Variants in XAB2 observed in about 807,000 individuals in gnomAD.
XAB2 encodes XPA binding protein 2, also known as pre-mRNA-splicing factor SYF1.
Under a neutral mutation model 113.4 loss-of-function variants are expected in XAB2, and 57 were observed. The ratio of observed to expected loss-of-function variants is 0.50; its 90% confidence interval spans 0.41 to 0.63. XAB2 has a LOEUF of 0.63. XAB2 is among the 20% of genes least tolerant of loss of function. The pLI is 0.00. For synonymous variants in XAB2, 497 were observed against 498.8 expected (o/e 1.00, Z 0.05); for missense variants, 1,037 against 1,233.3 (o/e 0.84, Z 2.38).
chr19:7,623,809 G>C lies in XAB2; in HGVS notation c.1041C>G (p.Ser347Arg). 1 of 1,611,948 alleles carries C rather than the reference G, an allele frequency of 6.2e-7. No homozygotes were observed. The highest frequency in any genetic ancestry group is 8.5e-7 in the Non-Finnish European group (1 of 1,179,594). ...GGTGTGGGTTTTGGCGCAGCAAGAC[G>C]CTGTTGAGGAGCAGGGGCCGCCGGC... ...LISRRPLLLN[S>R]VLLRQNPHHV... is the part of the protein sequence containing the mutation. Residue 347 changes from serine (S) to arginine (R), a missense_variant, in exon 8 of 19, where the codon AGC becomes AGG. Physicochemically the swap from Ser to Arg is moderately radical, Grantham distance 110. Coordinates refer to ENST00000358368, the MANE Select transcript of XAB2 (RefSeq NM_020196.3). This position sits in a 1 kb window ranked among gnomAD's most constrained non-coding sequence, Gnocchi z 4.6.
Position 7,620,627 on chromosome 19 carries a change from C to A in XAB2, c.2014G>T (p.Ala672Ser). The A allele has an allele frequency of 6.2e-7, 1 of 1,613,218 alleles. No homozygotes were observed. Among genetic ancestry groups the A allele is most frequent in the Non-Finnish European group, 8.5e-7 (1 of 1,179,956 alleles). Reference sequence around the variant, plus strand: ...TCCCCGAGCTTGCACTCCATGTCTGCAAACCGCAGGCACATCTCACGCGCG... The same window carrying A: ...TCCCCGAGCTTGCACTCCATGTCTGAAAACCGCAGGCACATCTCACGCGCG... Reference protein sequence around the residue: ...EHAREMCLRFADMECKLGEID... With the variant: ...EHAREMCLRFSDMECKLGEID... Residue 672 changes from alanine (A) to serine (S), a missense_variant, in exon 15 of 19, where the codon GCA (alanine) becomes TCA (serine). Ala to Ser is a moderately conservative substitution (Grantham distance 99). Coordinates refer to ENST00000358368, the MANE Select transcript of XAB2 (RefSeq NM_020196.3).
chr19:7,620,488 AGCTG>A, intron 15 of XAB2, 42 bp from the exon 16 acceptor site: 1 of 1,609,068 alleles, frequency 6.2e-7, no homozygotes, highest in Non-Finnish European at 8.5e-7. Context: ...TGTGCCCGTG[AGCTG>A]GCTGACTCCG....
chr19:7,628,238 A>C lies in XAB2; in HGVS notation c.112T>G (p.Trp38Gly), dbSNP rs749931572. 1.2e-5 allele frequency: 19 copies of C among 1,614,042 alleles called. No homozygotes were observed. The Admixed American group carries it at 2.8e-4, about 24-fold the overall frequency. Reference sequence around the variant, plus strand: ...TGTTTGAACTCGATGTAGCGAAGCCAGCATTTGACAGAGAATTGGTTCCGC... The same window carrying C: ...TGTTTGAACTCGATGTAGCGAAGCCCGCATTTGACAGAGAATTGGTTCCGC... ...IMRNQFSVKCWLRYIEFKQGA... is the reference protein window; with the variant it reads ...IMRNQFSVKCGLRYIEFKQGA... The change falls in exon 2 of 19, where the codon TGG (tryptophan) becomes GGG (glycine). Residue 38 changes from tryptophan to glycine, a missense_variant. Coordinates refer to ENST00000358368, the MANE Select transcript of XAB2 (RefSeq NM_020196.3). This position sits in a 1 kb window ranked among gnomAD's most constrained non-coding sequence, Gnocchi z 4.6.
rs927168782 is a variant in XAB2 at position 7,629,490 on chromosome 19, G to T, written c.38C>A (p.Pro13Gln). ...VMARLSRPER[P>Q]DLVFEEEDLP... ...CTGTGGACTCACGAAGACAAGGTCC[G>T]GCCGCTCGGGCCGCGAGAGTCGCGC... Residue 13 changes from proline to glutamine, a missense_variant, in exon 1 of 19, where the codon CCG becomes CAG. Physicochemically the swap from Pro to Gln is moderately conservative, Grantham distance 76 (BLOSUM62 -1). Coordinates refer to ENST00000358368, the MANE Select transcript of XAB2 (RefSeq NM_020196.3). 6.2e-7 allele frequency: 1 copy of T among 1,602,324 alleles called. No individual in the cohort carries two copies. The highest frequency in any genetic ancestry group is 1.1e-5 in the South Asian group (1 of 89,020).
At position 7,621,319 on chromosome 19, in the gene XAB2, CAT is replaced by C. The variant is rs769036458; in HGVS notation, c.1618-24_1618-23del. 4 of 1,609,482 alleles carry C rather than the reference CAT, an allele frequency of 2.5e-6. No homozygotes were observed. The African/African-American group carries it at 4.0e-5, about 16-fold the overall frequency. ...ACGCCTGTTACCAGAGGGAGAGTCA[CAT>C]GTGAGAGTCTGCAGATAGAGACCAC... is the stretch of plus-strand genomic sequence containing the variant. On this transcript the variant is annotated intron_variant, in intron 12 of 18. Coordinates refer to ENST00000358368, the MANE Select transcript of XAB2 (RefSeq NM_020196.3).
At position 7,625,988 on chromosome 19, in the gene XAB2, G is replaced by A. The variant is rs767291117; in HGVS notation, c.714C>T (p.Leu238=). 2 of 1,613,812 alleles carry A rather than the reference G, an allele frequency of 1.2e-6. No individual in the cohort carries two copies. Among genetic ancestry groups the A allele is most frequent in the Non-Finnish European group, 1.7e-6 (2 of 1,179,872 alleles). Residue 238 remains leucine, a synonymous_variant, in exon 6 of 19, where the codon CTC becomes CTT. Coordinates refer to ENST00000358368, the MANE Select transcript of XAB2 (RefSeq NM_020196.3). This position sits in a 1 kb window ranked among gnomAD's most constrained non-coding sequence, Gnocchi z 5.2. The part of the protein sequence containing the change: ...ISQNPDKVQS[L]NVDAIIRGGL... ...CCCCGCGGATGATGGCGTCCACATT[G>A]AGGGACTGTACCTTGTCCGGATTCT...
rs1400545894 is a variant in XAB2, at chr19:7,620,606, C to T, written c.2035G>A (p.Gly679Arg). ...ATGGCCCGGGCGCGGTCAATCTCCC[C>T]GAGCTTGCACTCCATGTCTGCAAAC... Reference protein sequence around the residue: ...LRFADMECKLGEIDRARAIYS... With the variant: ...LRFADMECKLREIDRARAIYS... The change falls in exon 15 of 19, where the codon GGG (glycine) becomes AGG (arginine). Residue 679 changes from glycine to arginine, a missense_variant. Gly to Arg is a moderately radical substitution (Grantham distance 125). Transcript: ENST00000358368. 3.1e-6 allele frequency: 5 copies of T among 1,613,310 alleles called. No homozygotes were observed. Among genetic ancestry groups the T allele is most frequent in the Non-Finnish European group, 4.2e-6 (5 of 1,179,956 alleles).
In XAB2 at chr19:7,624,841, C is replaced by T. The variant is rs1359002815; in HGVS notation, c.823-396G>A. Among the ~76,000 whole-genome samples, 3 of 152,196 alleles carry T rather than the reference C, an allele frequency of 2.0e-5. No homozygotes were observed. Among genetic ancestry groups the T allele is most frequent in the Admixed American group, 6.5e-5 (1 of 15,284 alleles). On this transcript the variant is annotated intron_variant, in intron 6 of 18. Coordinates refer to ENST00000358368, the MANE Select transcript of XAB2 (RefSeq NM_020196.3). This position sits in a 1 kb window ranked among gnomAD's most constrained non-coding sequence, Gnocchi z 4.2. ...CGAGGCCTCAGAATTTGCTCCAAAG[C>T]GTCCCTCTCGCTTGCCTGACCCTCT...
At chr19:7,620,470 T>G (rs544589268) in intron 15 of XAB2, 24 bp from the exon 16 acceptor site, 1 of 1,607,626 alleles carries the variant, frequency 6.2e-7, no homozygotes, top group African/African-American at 1.3e-5. Context: ...AGGGCAGGGG[T>G]GGGTGTGTGT....
Position 7,621,129 on chromosome 19 carries a change from CCTCA to C in XAB2, c.1780+2_1780+5del. On this transcript the variant is annotated splice_donor_variant and splice_donor_5th_base_variant and intron_variant, in intron 13 of 18. Coordinates refer to ENST00000358368, the MANE Select transcript of XAB2 (RefSeq NM_020196.3). LOFTEE classifies it high-confidence loss of function. Reference sequence around the variant, plus strand: ...CCACCCCCCCCATGCCCTCTGCCCGCCTCACTCTTGGCATATTTTGGGGGGCAGC... The same window carrying C: ...CCACCCCCCCCATGCCCTCTGCCCGCCTCTTGGCATATTTTGGGGGGCAGC... The C allele has an allele frequency of 6.3e-7, 1 of 1,592,350 alleles. No individual in the cohort carries two copies. Among genetic ancestry groups the C allele is most frequent in the South Asian group, 1.1e-5 (1 of 88,816 alleles).
At position 7,623,147 on chromosome 19, in the gene XAB2, G is replaced by C. The variant is rs559763220; in HGVS notation, c.1239+23C>G. The C allele has an allele frequency of 7.7e-5, 124 of 1,611,728 alleles. 1 individual carries two copies. In the South Asian group the frequency reaches 1.0e-3, roughly 14 times the overall value. On this transcript the variant is annotated intron_variant, in intron 9 of 18. Transcript: ENST00000358368. This position sits in a 1 kb window ranked among gnomAD's most constrained non-coding sequence, Gnocchi z 4.6. ...GCACACACACATGCATGAACACACA[G>C]GCACACGCAACAGGGTGCTCACATC...
Position 7,627,494 on chromosome 19 carries a change from C to G in XAB2, c.325-54G>C, listed in dbSNP as rs2031165158. 6.4e-7 allele frequency: 1 copy of G among 1,570,446 alleles called. No homozygotes were observed. The highest frequency in any genetic ancestry group is 1.8e-5 in the Admixed American group (1 of 54,278). On this transcript the variant is annotated intron_variant, in intron 3 of 18. Transcript: ENST00000358368. The surrounding 1 kb of genome is among the most constrained non-coding windows in gnomAD (Gnocchi z 4.5). ...CTAAGCCACGGACTCCATGGCCTGG[C>G]CACAGACACTCGATGTCCTGTGGCT... is the stretch of plus-strand genomic sequence containing the variant.
chr19:7,627,517 G>A lies in XAB2; in HGVS notation c.325-77C>T. 5 of 1,553,312 alleles carry A rather than the reference G, an allele frequency of 3.2e-6. No individual in the cohort carries two copies. Among genetic ancestry groups the A allele is most frequent in the Non-Finnish European group, 3.5e-6 (4 of 1,143,364 alleles). ...GGCCACAGACACTCGATGTCCTGTG[G>A]CTGAGCCACACCTGGGGCCACCACA... is the stretch of plus-strand genomic sequence containing the variant. On this transcript the variant is annotated intron_variant, in intron 3 of 18. Coordinates refer to ENST00000358368, the MANE Select transcript of XAB2 (RefSeq NM_020196.3). This position sits in a 1 kb window ranked among gnomAD's most constrained non-coding sequence, Gnocchi z 4.5.
Position 7,621,125 on chromosome 19 carries a change from C to T in XAB2, c.1780+10G>A. 1 of 1,512,630 alleles carries T rather than the reference C, an allele frequency of 6.6e-7. No individual in the cohort carries two copies. Among genetic ancestry groups the T allele is most frequent in the South Asian group, 1.2e-5 (1 of 86,364 alleles). 93.7% of individuals were successfully genotyped at this position (1,512,630 alleles called of 1,614,324 possible). A position where few individuals can be genotyped will look rare whatever the true frequency, so the allele number is the denominator to read the frequency against. On this transcript the variant is annotated intron_variant, in intron 13 of 18. Coordinates refer to ENST00000358368, the MANE Select transcript of XAB2 (RefSeq NM_020196.3). Reference sequence around the variant, plus strand: ...CCCGCCACCCCCCCCATGCCCTCTGCCCGCCTCACTCTTGGCATATTTTGG... The same window carrying T: ...CCCGCCACCCCCCCCATGCCCTCTGTCCGCCTCACTCTTGGCATATTTTGG...
chr19:7,625,391 G>A lies in XAB2; in HGVS notation c.822+489C>T, dbSNP rs1399597731. Among the ~76,000 whole-genome samples the A allele has an allele frequency of 2.0e-5, 3 of 152,110 alleles. No homozygotes were observed. Among genetic ancestry groups the A allele is most frequent in the Non-Finnish European group, 2.9e-5 (2 of 68,022 alleles). ...AAATGTGGCTGACTCCAAGGCTGAC[G>A]TGCCTGCGGGCAGGAGTGCTCCCCC... On this transcript the variant is annotated intron_variant, in intron 6 of 18. Transcript: ENST00000358368. The surrounding 1 kb of genome is among the most constrained non-coding windows in gnomAD (Gnocchi z 5.2).
In XAB2 at chr19:7,625,012, G is replaced by A. The variant is rs1210610964; in HGVS notation, c.823-567C>T. 1.3e-5 allele frequency among the ~76,000 whole-genome samples: 2 copies of A among 152,196 alleles called. No individual in the cohort carries two copies. Among genetic ancestry groups the A allele is most frequent in the African/African-American group, 2.4e-5 (1 of 41,450 alleles). ...GAAGGGGCGCTGCGAAGCGCATACC[G>A]CCCACACCCCACTGGCGGCTCCCCC... On this transcript the variant is annotated intron_variant, in intron 6 of 18. Transcript: ENST00000358368. The surrounding 1 kb of genome is among the most constrained non-coding windows in gnomAD (Gnocchi z 5.2).
In XAB2 at chr19:7,628,004, AG is replaced by A; in HGVS notation, c.200+145del. ...CAGGGACAGACTGGGACATCAGAGA[AG>A]GTGTGCTGACCCATCAAGGGATGTA... On this transcript the variant is annotated intron_variant, in intron 2 of 18. Coordinates refer to ENST00000358368, the MANE Select transcript of XAB2 (RefSeq NM_020196.3). The surrounding 1 kb of genome is among the most constrained non-coding windows in gnomAD (Gnocchi z 4.6). 1 of 1,454,436 alleles carries A rather than the reference AG, an allele frequency of 6.9e-7. No individual in the cohort carries two copies. The allele number at this position is 1,454,436 out of a possible 1,614,324, so 90.1% of individuals were successfully genotyped here. A position where few individuals can be genotyped will look rare whatever the true frequency, so the allele number is the denominator to read the frequency against.
chr19:7,621,095 G>GCCCCCCCCCCCCCCC, intron 13 of XAB2, 40 bp downstream of exon 13: 8 of 1,486,288 alleles, frequency 5.4e-6, no homozygotes, highest in Non-Finnish European at 7.2e-6. Flanking sequence ...CAGAAACCCA[G>GCCCCCCCCCCCCCCC]CCCGCCCGCC....
In XAB2 at chr19:7,628,303, C is replaced by T. The variant is rs1286853038; in HGVS notation, c.52-5G>A. 5 of 1,613,964 alleles carry T rather than the reference C, an allele frequency of 3.1e-6. No homozygotes were observed. Among genetic ancestry groups the T allele is most frequent in the African/African-American group, 1.3e-5 (1 of 75,018 alleles). On this transcript the variant is annotated splice_region_variant and splice_polypyrimidine_tract_variant and intron_variant, in intron 1 of 18. Coordinates refer to ENST00000358368, the MANE Select transcript of XAB2 (RefSeq NM_020196.3). This position sits in a 1 kb window ranked among gnomAD's most constrained non-coding sequence, Gnocchi z 4.6. ...ATAGGGGAGGTCCTCTTCCTCCTGC[C>T]AGGGCCAGGGAATGGGAAGAAGAGA...
Sources: gnomAD v4.1 joint callset for allele counts (sites outside exome capture counted in the v4.1 genomes callset) on GRCh38, gnomAD v4.1.1 for gene constraint, Gnocchi (gnomAD v3.1) non-coding constraint, MANE v1.5 for transcripts, NCBI Gene and HGNC (gene_info 2026-07-23, HGNC 2026-07-21) for gene names.